Variants in CD80 observed in about 807,000 individuals in gnomAD.
The protein encoded by CD80 is CD80 molecule.
CD80 carries 13 observed loss-of-function variants against 27.1 expected under a neutral mutation model. The ratio of observed to expected loss-of-function variants is 0.48; its 90% CI spans 0.31 to 0.76. The LOEUF is 0.76. CD80 is among the 30% of genes least tolerant of loss of function. CD80 has a pLI of 0.04. For synonymous variants in CD80, 125 were observed against 125.5 expected (o/e 1.00, Z 0.03); for missense variants, 277 against 347.9 (o/e 0.80, Z 1.62).
chr3:119,550,361 T>A (rs1216396905), intron 2 of CD80, among the ~76,000 whole-genome samples: 1 of 152,178 alleles, frequency 6.6e-6, no homozygotes, highest in Non-Finnish European at 1.5e-5. Flanking sequence ...ACTATCTAAT[T>A]TTGGTGATGG....
intron 4 of CD80, among the ~76,000 whole-genome samples, chr3:119,533,116 A>G (rs1167098817): frequency 6.6e-6 from 1 of 152,146 alleles, no homozygotes; most frequent in African/African-American, 2.4e-5. Flanking sequence ...ACACCCATCC[A>G]CAAGCCTCAT....
At chr3:119,534,965 G>A (rs757681060) in intron 4 of CD80, among the ~76,000 whole-genome samples, 4 of 152,168 alleles carry the variant, frequency 2.6e-5, no homozygotes, top group Non-Finnish European at 5.9e-5. Flanking sequence ...GCTGAGGCGG[G>A]CAGATCACCT....
intron 2 of CD80, among the ~76,000 whole-genome samples, chr3:119,549,458 G>C (rs75903584): frequency 1.3e-5 from 2 of 152,070 alleles, no homozygotes; most frequent in African/African-American, 4.8e-5. Flanking sequence ...AGGCCCCAGC[G>C]CCCCCTGCCC....
chr3:119,545,532 T>C (rs1341543949), intron 2 of CD80, among the ~76,000 whole-genome samples: 1 of 152,156 alleles, frequency 6.6e-6, no homozygotes, highest in Non-Finnish European at 1.5e-5. Context: ...CCTCTGGCAA[T>C]TGCCATTCTG....
intron 2 of CD80, among the ~76,000 whole-genome samples, chr3:119,556,604 T>G (rs532691495): frequency 6.6e-6 from 1 of 152,294 alleles, no homozygotes; most frequent in South Asian, 2.1e-4. Flanking sequence ...ACAGAAAATT[T>G]TAAATGACCA....
chr3:119,545,605 CT>C (rs2082198050), intron 2 of CD80, among the ~76,000 whole-genome samples: 1 of 152,190 alleles, frequency 6.6e-6, no homozygotes, highest in African/African-American at 2.4e-5. Flanking sequence ...CAGTAACAGC[CT>C]GTTTATGATT....
chr3:119,554,524 G>A (rs1479528895), intron 2 of CD80, among the ~76,000 whole-genome samples: 1 of 152,158 alleles, frequency 6.6e-6, no homozygotes, highest in Non-Finnish European at 1.5e-5. Flanking sequence ...TGCCTCCATA[G>A]ACAGTGCCTG....
At chr3:119,551,841 C>A (rs904837358) in intron 2 of CD80, among the ~76,000 whole-genome samples, 1 of 152,208 alleles carries the variant, frequency 6.6e-6, no homozygotes, top group Admixed American at 6.5e-5. Context: ...CCCCATAGGA[C>A]CAGCATCACC....
chr3:119,557,343 C>T (rs1457507831), intron 2 of CD80, among the ~76,000 whole-genome samples: 1 of 152,132 alleles, frequency 6.6e-6, no homozygotes, highest in Non-Finnish European at 1.5e-5. Flanking sequence ...TGGAAGAGAC[C>T]ATTATGAATC....
intron 1 of CD80, among the ~76,000 whole-genome samples, chr3:119,559,120 T>G (rs1169034643): frequency 6.6e-6 from 1 of 152,226 alleles, no homozygotes; most frequent in Non-Finnish European, 1.5e-5. Flanking sequence ...CACCACAGTC[T>G]CAACCTCCCG....
intron 3 of CD80, among the ~76,000 whole-genome samples, chr3:119,544,155 T>A (rs2082187171): frequency 6.6e-6 from 1 of 152,190 alleles, no homozygotes; most frequent in African/African-American, 2.4e-5. Context: ...CCCAAAGTGC[T>A]GAGATTACAG....
At chr3:119,548,494 G>T (rs983419204) in intron 2 of CD80, among the ~76,000 whole-genome samples, 1 of 152,184 alleles carries the variant, frequency 6.6e-6, no homozygotes. Flanking sequence ...TCATAGTAAG[G>T]AATGTGAGAT....
intron 4 of CD80, among the ~76,000 whole-genome samples, chr3:119,532,106 T>A (rs1281304478): frequency 6.6e-6 from 1 of 152,212 alleles, no homozygotes; most frequent in African/African-American, 2.4e-5. Context: ...TTCCTCTTCT[T>A]GTCCTCTAAT....
intron 2 of CD80, among the ~76,000 whole-genome samples, chr3:119,549,562 C>A (rs1004245173): frequency 6.6e-6 from 1 of 152,198 alleles, no homozygotes; most frequent in African/African-American, 2.4e-5. Context: ...CATTTCCAAG[C>A]CCTCTCTTTT....
chr3:119,537,320 G>T lies in CD80; in HGVS notation c.517C>A (p.Leu173Ile). ...STSGGFPEPH[L>I]SWLENGEELN... ...TCTTCTCCATTTTCCAACCAGGAGA[G>T]GTGAGGCTCTGGAAAACCTCCAGAG... is the stretch of plus-strand genomic sequence containing the variant. The change falls in exon 4 of 7, where the codon CTC (leucine) becomes ATC (isoleucine). Residue 173 changes from leucine to isoleucine, a missense_variant. Coordinates refer to ENST00000264246, the MANE Select transcript of CD80 (RefSeq NM_005191.4). 2 of 1,613,970 alleles carry T rather than the reference G, an allele frequency of 1.2e-6. No homozygotes were observed. Among genetic ancestry groups the T allele is most frequent in the Non-Finnish European group, 1.7e-6 (2 of 1,179,898 alleles).
At position 119,524,306 on chromosome 3, in the gene CD80, G is replaced by A. The variant is rs1017435633; in HGVS notation, c.*1482C>T. 6.6e-6 allele frequency: 1 copy of A among 152,176 alleles called. No homozygotes were observed. The highest frequency in any genetic ancestry group is 1.9e-4 in the East Asian group (1 of 5,202). The allele number at this position is 152,176 out of a possible 1,614,324, so 9.4% of individuals were successfully genotyped here. The stretch of plus-strand genomic sequence containing the variant: ...AGTAGATCAGCATTATTAAAGAAAC[G>A]GTTCAACTTTGTTTCTTCCCTTAGT... On this transcript the variant is annotated 3_prime_UTR_variant, in exon 7 of 7. Transcript: ENST00000264246.
At chr3:119,545,069 C>T (rs773423108) in intron 2 of CD80, among the ~76,000 whole-genome samples, 6 of 151,998 alleles carry the variant, frequency 3.9e-5, no homozygotes, top group Non-Finnish European at 5.9e-5. Context: ...ACAGGCTGGG[C>T]GTGGTGGCTC....
intron 3 of CD80, among the ~76,000 whole-genome samples, chr3:119,543,924 T>A (rs1245421565): frequency 6.8e-6 from 1 of 146,726 alleles, no homozygotes; most frequent in Non-Finnish European, 1.5e-5. Flanking sequence ...AGTCTTGCTA[T>A]GTCACCCAGG....
intron 4 of CD80, among the ~76,000 whole-genome samples, chr3:119,534,370 C>T (rs1302673179): frequency 7.8e-6 from 1 of 127,892 alleles, no homozygotes; most frequent in African/African-American, 2.8e-5. Flanking sequence ...GAAACTCTGT[C>T]TCAAAAAAAA....
Sources: allele counts gnomAD v4.1 joint callset (sites outside exome capture counted in the v4.1 genomes callset), GRCh38; gene constraint gnomAD v4.1.1; transcripts MANE v1.5; gene names NCBI Gene and HGNC (gene_info 2026-07-23, HGNC 2026-07-21).